The following DECR1 variants were observed in gnomAD, a reference collection of about 807,000 sequenced individuals.
DECR1 encodes the protein 2,4-dienoyl-CoA reductase [(3E)-enoyl-CoA-producing], mitochondrial.
DECR1 carries 44 observed loss-of-function variants against 38.8 expected under a neutral mutation model. The observed-to-expected ratio is 1.13, with a 90% CI of 0.89 to 1.46. The LOEUF is 1.46. DECR1 is among the 40% of genes most tolerant of loss of function. DECR1 has a pLI of 0.00. For missense variants in DECR1, 428 were observed against 405.5 expected (o/e 1.06, Z -0.48); for synonymous variants, 148 against 135.2 (o/e 1.09, Z -0.66).
intron 7 of DECR1, among the ~76,000 whole-genome samples, chr8:90,044,260 C>T (rs940642920): frequency 8.5e-5 from 13 of 152,164 alleles, no homozygotes; most frequent in African/African-American, 3.1e-4. Flanking sequence ...GCCACCTAAA[C>T]TTCAAGGCAC....
chr8:90,038,664 C>T (rs1014520327), intron 6 of DECR1, among the ~76,000 whole-genome samples: 10 of 152,010 alleles, frequency 6.6e-5, no homozygotes, highest in East Asian at 1.9e-4. Context: ...CCTCCATTAA[C>T]GTAACATTAA....
intron 5 of DECR1, among the ~76,000 whole-genome samples, chr8:90,021,342 C>G (rs1397431038): frequency 6.6e-6 from 1 of 152,012 alleles, no homozygotes; most frequent in South Asian, 2.1e-4. Flanking sequence ...GTTCAAAGAT[C>G]TAGATGTGGA....
chr8:90,003,340 T>TA (rs1311229376), intron 1 of DECR1: 1 of 152,248 alleles, frequency 6.6e-6, no homozygotes, highest in Non-Finnish European at 1.5e-5. Flanking sequence ...AGTGCTGTGT[T>TA]AAATTGTGCT....
intron 1 of DECR1, chr8:90,016,895 G>T: frequency 2.3e-6 from 1 of 441,670 alleles, no homozygotes; most frequent in Non-Finnish European, 4.1e-6. Flanking sequence ...CCTGCTGAAA[G>T]TTACATAGCT....
intron 1 of DECR1, among the ~76,000 whole-genome samples, chr8:90,013,127 G>A (rs991916424): frequency 1.2e-4 from 19 of 152,184 alleles, no homozygotes; most frequent in Non-Finnish European, 2.1e-4. Flanking sequence ...AGGCATCCAT[G>A]TTTTTGAGGA....
intron 1 of DECR1, among the ~76,000 whole-genome samples, chr8:90,014,921 G>A (rs186362908): frequency 6.6e-6 from 1 of 152,234 alleles, no homozygotes; most frequent in East Asian, 1.9e-4. Context: ...AAAGATTATT[G>A]TAGAGTTGCT....
rs566898887 is a variant in DECR1 at position 90,027,231 on chromosome 8, G to A, written c.565+6175G>A. ...GGGGTGGAGAGTTCTGTTGATGTCT[G>A]TTAGGTCTGCTTGGTGCAGAGCTGA... is the stretch of plus-strand genomic sequence containing the variant. On this transcript the variant is annotated intron_variant, in intron 5 of 9. Coordinates refer to ENST00000220764, the MANE Select transcript of DECR1 (RefSeq NM_001359.2). Among the ~76,000 whole-genome samples the A allele has an allele frequency of 2.4e-3, 364 of 152,182 alleles. 2 individuals carry two copies. The highest frequency in any genetic ancestry group is 1.2e-3 in the East Asian group (6 of 5,162).
chr8:90,026,791 T>G (rs2130088354), intron 5 of DECR1, among the ~76,000 whole-genome samples: 1 of 152,322 alleles, frequency 6.6e-6, no homozygotes, highest in South Asian at 2.1e-4. Context: ...CTCTTGCTTC[T>G]CTAGTTCTTT....
chr8:90,027,227 G>A (rs1813371398), intron 5 of DECR1, among the ~76,000 whole-genome samples: 1 of 152,198 alleles, frequency 6.6e-6, no homozygotes, highest in Admixed American at 6.5e-5. Context: ...TTCTGTTGAT[G>A]TCTGTTAGGT....
intron 5 of DECR1, among the ~76,000 whole-genome samples, chr8:90,035,546 A>G (rs919859663): frequency 3.3e-5 from 5 of 151,404 alleles, no homozygotes; most frequent in Non-Finnish European, 2.9e-5. Context: ...TGTATTTTCC[A>G]TTTTTCTCAT....
At position 90,036,853 on chromosome 8, in the gene DECR1, T is replaced by C. The variant is rs1159400880; in HGVS notation, c.578T>C (p.Leu193Pro). 2 of 1,612,006 alleles carry C rather than the reference T, an allele frequency of 1.2e-6. No individual in the cohort carries two copies. Among genetic ancestry groups the C allele is most frequent in the East Asian group, 2.2e-5 (1 of 44,864 alleles). Residue 193 changes from leucine (L) to proline (P), a missense_variant, in exon 6 of 10, where the codon CTT (leucine) becomes CCT (proline). Physicochemically the swap from Leu to Pro is moderately conservative, Grantham distance 98. Transcript: ENST00000220764. ...LIKAQKGAAF[L>P]SITTIYAETG... Reference sequence around the variant, plus strand: ...TTTAAAATTTCAGGAGCAGCATTTCTTTCTATTACTACTATCTATGCTGAG... The same window carrying C: ...TTTAAAATTTCAGGAGCAGCATTTCCTTCTATTACTACTATCTATGCTGAG...
intron 2 of DECR1, 160 bp from the exon 3 acceptor site, chr8:90,018,749 C>A: frequency 1.6e-6 from 1 of 608,006 alleles, no homozygotes; most frequent in Non-Finnish European, 2.9e-6. Context: ...TAAAAATGAT[C>A]TAAATTTGAC....
rs1365790582 is a variant in DECR1 at position 90,017,096 on chromosome 8, C to T, written c.70-28C>T. On this transcript the variant is annotated intron_variant, in intron 1 of 9. Coordinates refer to ENST00000220764, the MANE Select transcript of DECR1 (RefSeq NM_001359.2). ...TCTGTTTTTTGGAAATATATGTATG[C>T]AAATTTAAATTCATTTTCCCCTTTT... The T allele has an allele frequency of 5.2e-6, 8 of 1,539,828 alleles. No homozygotes were observed. In the African/African-American group the frequency reaches 5.5e-5, roughly 11 times the overall value.
intron 5 of DECR1, among the ~76,000 whole-genome samples, chr8:90,030,158 A>G (rs2267542): frequency 0.043 from 6,504 of 152,186 alleles, 282 homozygotes; most frequent in East Asian, 0.19. Context: ...TTGCGCTCCT[A>G]TGATAACCTA....
chr8:90,015,284 T>A (rs1243879295), intron 1 of DECR1, among the ~76,000 whole-genome samples: 3 of 152,228 alleles, frequency 2.0e-5, no homozygotes, highest in Admixed American at 2.0e-4. Flanking sequence ...ATTATTTATC[T>A]TTAACAGCTA....
At chr8:90,047,746 A>C (rs1460042057) in intron 8 of DECR1, among the ~76,000 whole-genome samples, 1 of 152,250 alleles carries the variant, frequency 6.6e-6, no homozygotes, top group African/African-American at 2.4e-5. Flanking sequence ...TTTTAGCACC[A>C]CATCTCACTT....
chr8:90,040,320 C>A (rs1445949196), intron 6 of DECR1, among the ~76,000 whole-genome samples: 1 of 152,120 alleles, frequency 6.6e-6, no homozygotes, highest in Non-Finnish European at 1.5e-5. Flanking sequence ...ATACAGCCCA[C>A]CCATTTCTCT....
At chr8:90,009,806 A>G (rs1345388361) in intron 1 of DECR1, among the ~76,000 whole-genome samples, 1 of 152,206 alleles carries the variant, frequency 6.6e-6, no homozygotes, top group Non-Finnish European at 1.5e-5. Flanking sequence ...GAAAATTTCA[A>G]ATTGCCTCTT....
intron 1 of DECR1, among the ~76,000 whole-genome samples, chr8:90,007,552 T>C (rs1586133805): frequency 6.7e-6 from 1 of 150,302 alleles, no homozygotes; most frequent in Non-Finnish European, 1.5e-5. Flanking sequence ...GCAGGGCAGG[T>C]GGTGGGGGTG....
Sources: gnomAD v4.1 joint callset for allele counts (sites outside exome capture counted in the v4.1 genomes callset) on GRCh38, gnomAD v4.1.1 for gene constraint, MANE v1.5 for transcripts, NCBI Gene and HGNC (gene_info 2026-07-23, HGNC 2026-07-21) for gene names.